PI4K2A: variants seen among roughly 807,000 people sequenced by gnomAD.
PI4K2A encodes phosphatidylinositol 4-kinase type 2-alpha.
In PI4K2A, 20 loss-of-function variants were observed where a neutral mutation model predicts 55.0. That is an observed-to-expected ratio of 0.36 (90% confidence interval 0.26 to 0.53). PI4K2A has a LOEUF of 0.53. Among genes scored for constraint, PI4K2A ranks in the 20% least tolerant of loss-of-function variants. The pLI, the probability that PI4K2A is intolerant of heterozygous loss-of-function variation, is 0.91. For synonymous variants in PI4K2A, 235 were observed against 258.5 expected (o/e 0.91, Z 0.87); for missense variants, 463 against 637.1 (o/e 0.73, Z 2.94).
intron 1 of PI4K2A, among the ~76,000 whole-genome samples, chr10:97,648,441 C>T (rs917092991): frequency 1.3e-5 from 2 of 152,112 alleles, no homozygotes; most frequent in Non-Finnish European, 1.5e-5. Flanking sequence ...GTCTCAAACT[C>T]CAGGCCTCAG....
rs968071622 is a variant in PI4K2A at position 97,671,165 on chromosome 10, A to G, written c.1279-2416A>G. The stretch of plus-strand genomic sequence containing the variant: ...AAAAAAAAAAAGAGAGAGAGAGAGA[A>G]GACAGGACACCTTCAGCTTTTGTAC... On this transcript the variant is annotated intron_variant, in intron 8 of 8. Coordinates refer to ENST00000370631, the Ensembl canonical transcript of PI4K2A. Among the ~76,000 whole-genome samples the G allele has an allele frequency of 8.6e-5, 13 of 151,908 alleles. 1 individual carries two copies. Among genetic ancestry groups the G allele is most frequent in the African/African-American group, 3.1e-4 (13 of 41,378 alleles).
Position 97,667,040 on chromosome 10 carries a change from CCTT to C in PI4K2A, c.1219-18_1219-16del. The C allele has an allele frequency of 5.6e-6, 9 of 1,607,348 alleles. No individual in the cohort carries two copies. The highest frequency in any genetic ancestry group is 6.0e-6 in the Non-Finnish European group (7 of 1,174,240). On this transcript the variant is annotated intron_variant, in intron 7 of 8. Coordinates refer to ENST00000370631, the Ensembl canonical transcript of PI4K2A. ...TGAGGCATTCACACAGGTTCCATCT[CCTT>C]CTGGTCTTCTTTTGCAGAAAGATCC...
At chr10:97,651,139 A>G (rs2041528386) in exon 2 of PI4K2A, 1 of 1,611,594 alleles carries the variant, frequency 6.2e-7, no homozygotes. Context: ...TCCCCGTACA[A>G]AGGTCAGTGA....
rs146627600 is a variant in PI4K2A, at chr10:97,672,725, C to CTTTTTTTTTTTT, written c.1279-843_1279-832dup. On this transcript the variant is annotated intron_variant, in intron 8 of 8. Coordinates refer to ENST00000370631, the Ensembl canonical transcript of PI4K2A. Reference sequence around the variant, plus strand: ...GAATTGCCGAGTCAGAGGGTCTGTTCTTTTTTTTTTTTTTTTTTTTTTTTG... The same window carrying CTTTTTTTTTTTT: ...GAATTGCCGAGTCAGAGGGTCTGTTCTTTTTTTTTTTTTTTTTTTTTTTTTTTTTTTTTTTTG... Among the ~76,000 whole-genome samples, 10 of 83,974 alleles carry CTTTTTTTTTTTT rather than the reference C, an allele frequency of 1.2e-4. 2 individuals are homozygous for CTTTTTTTTTTTT. Among genetic ancestry groups the CTTTTTTTTTTTT allele is most frequent in the African/African-American group, 3.6e-4 (7 of 19,384 alleles). 55.1% of individuals were successfully genotyped at this position (83,974 alleles called of 152,430 possible).
At chr10:97,666,839 T>C (rs975221347) in intron 7 of PI4K2A, among the ~76,000 whole-genome samples, 14 of 152,206 alleles carry the variant, frequency 9.2e-5, no homozygotes, top group African/African-American at 3.4e-4. Context: ...CATTTTAATA[T>C]GGAGCACTGG....
chr10:97,662,503 A>C (rs573984015), intron 4 of PI4K2A, among the ~76,000 whole-genome samples: 2 of 152,202 alleles, frequency 1.3e-5, no homozygotes, highest in African/African-American at 2.4e-5. Flanking sequence ...TTCAGGTCGT[A>C]ACCCAAAGCA....
chr10:97,669,153 A>C (rs74232157), intron 8 of PI4K2A, among the ~76,000 whole-genome samples: 24,097 of 152,064 alleles, frequency 0.16, 2,158 homozygotes, highest in South Asian at 0.34. Flanking sequence ...GGAGTGAGCC[A>C]CTGAGCCCGG....
chr10:97,660,547 G>A (rs989719893), intron 4 of PI4K2A, among the ~76,000 whole-genome samples: 2 of 152,154 alleles, frequency 1.3e-5, no homozygotes, highest in Middle Eastern at 6.8e-3. Context: ...GCCTGCCTTG[G>A]CCTCCCAAAG....
chr10:97,659,522 A>G (rs1179726590), intron 4 of PI4K2A, among the ~76,000 whole-genome samples: 1 of 149,700 alleles, frequency 6.7e-6, no homozygotes, highest in Non-Finnish European at 1.5e-5. Flanking sequence ...TTCTTGCTTC[A>G]GTGCTCTAAG....
chr10:97,653,821 G>T (rs915397172), intron 2 of PI4K2A, among the ~76,000 whole-genome samples: 1 of 152,184 alleles, frequency 6.6e-6, no homozygotes, highest in Non-Finnish European at 1.5e-5. Flanking sequence ...GGAGGCTGAG[G>T]CAGGAGAATC....
chr10:97,666,880 T>C (rs530041674), intron 7 of PI4K2A, among the ~76,000 whole-genome samples, 181 bp from the exon 8 acceptor site: 2 of 152,282 alleles, frequency 1.3e-5, no homozygotes, highest in Admixed American at 1.3e-4. Flanking sequence ...GAGGAAGATA[T>C]TGACTTGTTT....
At position 97,640,999 on chromosome 10, in the gene PI4K2A, C is replaced by T. The variant is rs748544759; in HGVS notation, c.257C>T (p.Ala86Val). The T allele has an allele frequency of 9.0e-6, 14 of 1,547,490 alleles. No homozygotes were observed. In the East Asian group the frequency reaches 2.9e-4, roughly 32 times the overall value. The change falls in exon 1 of 9, where the codon GCT becomes GTT. Residue 86 changes from alanine to valine, a missense_variant. Transcript: ENST00000370631. ...GCGGCGCAGGCCCAGGCTCTGGCCG[C>T]TCAGGCCGCGGCGGCAGCCCACGCC...
chr10:97,641,594 G>A (rs920661144), intron 1 of PI4K2A, among the ~76,000 whole-genome samples: 1 of 152,130 alleles, frequency 6.6e-6, no homozygotes, highest in African/African-American at 2.4e-5. Context: ...CGCTGTTCAC[G>A]GAGGAGGATG....
At chr10:97,674,242 G>A (rs949012573) in exon 9 of PI4K2A, 1 of 152,976 alleles carries the variant, frequency 6.5e-6, no homozygotes, top group Non-Finnish European at 1.5e-5. Flanking sequence ...TGGTGTCAGA[G>A]GGCAACTGGA....
chr10:97,660,384 T>C (rs1424725845), intron 4 of PI4K2A, among the ~76,000 whole-genome samples: 4 of 145,914 alleles, frequency 2.7e-5, no homozygotes, highest in Non-Finnish European at 6.0e-5. Context: ...CAACCTCCAC[T>C]TCCCAGGTTC....
chr10:97,669,132 C>T (rs140031678), intron 8 of PI4K2A, among the ~76,000 whole-genome samples: 26,365 of 152,024 alleles, frequency 0.17, 2,431 homozygotes, highest in South Asian at 0.34. Context: ...TCCCAAAGTG[C>T]TGGGATTACA....
At chr10:97,674,008 T>G in exon 9 of PI4K2A, 3 of 431,024 alleles carry the variant, frequency 7.0e-6, no homozygotes, top group Non-Finnish European at 1.3e-5. Context: ...CCTTCCAGCA[T>G]CTGCTGGTAG....
At chr10:97,651,007 A>C in exon 2 of PI4K2A, 1 of 1,614,116 alleles carries the variant, frequency 6.2e-7, no homozygotes, top group Non-Finnish European at 8.5e-7. Flanking sequence ...TAAGTGGACC[A>C]AGTGGCTGCA....
intron 5 of PI4K2A, among the ~76,000 whole-genome samples, chr10:97,663,670 A>G (rs1268038316): frequency 2.0e-5 from 3 of 151,512 alleles, no homozygotes; most frequent in Non-Finnish European, 4.4e-5. Flanking sequence ...AAATGCAAAA[A>G]TTAGCCGGGC....
Sources: gnomAD v4.1 joint callset for allele counts (sites outside exome capture counted in the v4.1 genomes callset) on GRCh38, gnomAD v4.1.1 for gene constraint, MANE v1.5 for transcripts, NCBI Gene and HGNC (gene_info 2026-07-23, HGNC 2026-07-21) for gene names.